Variants in SULF2 observed in about 807,000 individuals in gnomAD.
SULF2 encodes sulfatase 2.
SULF2 carries 52 observed loss-of-function variants against 107.7 expected under a neutral mutation model. That is an observed-to-expected ratio of 0.48 (90% CI 0.39 to 0.61). The LOEUF is 0.61. Among genes scored for constraint, SULF2 ranks in the 20% least tolerant of loss-of-function variants. SULF2 has a pLI of 0.00. For synonymous variants in SULF2, 460 were observed against 464.3 expected (o/e 0.99, Z 0.12); for missense variants, 993 against 1,177.3 (o/e 0.84, Z 2.29).
At chr20:47,719,617 C>T (rs2146688858) in intron 3 of SULF2, among the ~76,000 whole-genome samples, 1 of 152,268 alleles carries the variant, frequency 6.6e-6, no homozygotes, top group East Asian at 1.9e-4. Context: ...ACTGAAGTAC[C>T]CTCAACTCCA....
rs1032766718 is a variant in SULF2, at chr20:47,703,947, T to G, written c.416-1277A>C. On this transcript the variant is annotated intron_variant, in intron 3 of 20. Transcript: ENST00000688720. ...CCATATGACGTCATCTATGTGAAAT[T>G]TGAGAACAGGCCAAACTAATCTATG... Among the ~76,000 whole-genome samples the G allele has an allele frequency of 3.7e-4, 56 of 152,154 alleles. 1 individual carries two copies. Among genetic ancestry groups the G allele is most frequent in the Non-Finnish European group, 2.9e-5 (2 of 68,032 alleles).
At position 47,662,983 on chromosome 20, in the gene SULF2, T is replaced by C. The variant is rs951085909; in HGVS notation, c.2370+87A>G. On this transcript the variant is annotated intron_variant, in intron 17 of 20. Transcript: ENST00000688720. ...GACTCAGTGGGACTTGGACAATTTG[T>C]CATCACTTCCCTGAGGTTGGGGGGG... is the stretch of plus-strand genomic sequence containing the variant. The C allele has an allele frequency of 5.4e-6, 8 of 1,483,614 alleles. No homozygotes were observed. The Admixed American group carries it at 1.1e-4, about 20-fold the overall frequency. The allele number at this position is 1,483,614 out of a possible 1,614,324, so 91.9% of individuals were successfully genotyped here. A position where few individuals can be genotyped will look rare whatever the true frequency, so the allele number is the denominator to read the frequency against.
chr20:47,763,997 C>T (rs1311031519), intron 1 of SULF2, among the ~76,000 whole-genome samples: 1 of 152,218 alleles, frequency 6.6e-6, no homozygotes, highest in Non-Finnish European at 1.5e-5. Flanking sequence ...CCCCTCTCTC[C>T]CTTGCACACC....
intron 3 of SULF2, among the ~76,000 whole-genome samples, chr20:47,714,623 C>G (rs6125082): frequency 8.3e-4 from 126 of 152,302 alleles, no homozygotes; most frequent in African/African-American, 3.0e-3. Context: ...TTTGATCAAG[C>G]CCCCCACTCT....
At chr20:47,756,611 G>A (rs1007487295) in intron 2 of SULF2, among the ~76,000 whole-genome samples, 10 of 151,234 alleles carry the variant, frequency 6.6e-5, no homozygotes, top group Admixed American at 3.3e-4. Flanking sequence ...CAACCCACAA[G>A]AGCCTCCAAA....
intron 13 of SULF2, among the ~76,000 whole-genome samples, chr20:47,665,538 C>T (rs915048313): frequency 5.3e-5 from 8 of 152,240 alleles, no homozygotes; most frequent in Non-Finnish European, 1.2e-4. Flanking sequence ...GCCTGGCCTG[C>T]GCAGGAACCC....
At chr20:47,715,168 C>T (rs1036890316) in intron 3 of SULF2, among the ~76,000 whole-genome samples, 2 of 149,394 alleles carry the variant, frequency 1.3e-5, no homozygotes, top group Non-Finnish European at 3.0e-5. Context: ...TGGGCTCAAG[C>T]GATCTGCCCA....
chr20:47,706,675 GC>G, intron 3 of SULF2: 1 of 152,432 alleles, frequency 6.6e-6, no homozygotes, highest in Non-Finnish European at 1.5e-5. Context: ...GGACTGAGCT[GC>G]CCCCGGGGAG....
chr20:47,702,577 T>A lies in SULF2; in HGVS notation c.509A>T (p.Tyr170Phe). 6.2e-7 allele frequency: 1 copy of A among 1,613,570 alleles called. No individual in the cohort carries two copies. The highest frequency in any genetic ancestry group is 8.5e-7 in the Non-Finnish European group (1 of 1,180,026). Residue 170 changes from tyrosine to phenylalanine, a missense_variant, in exon 4 of 21, where the codon TAT becomes TTT. Physicochemically the swap from Tyr to Phe is conservative, Grantham distance 22. Around this residue, in one of 3 missense-constraint regions of SULF2, gnomAD observed 388 missense variants for 449.2 expected, o/e 0.86. Transcript: ENST00000688720. ...CCCGTTCCGACACAGCGTGTAGTTA[T>A]AAAAGCGGGAGTTTTTAAGGAGTCC... ...WVGLLKNSRF[Y>F]NYTLCRNGVK... is the part of the protein sequence containing the mutation.
chr20:47,695,092 G>C (rs1345689904), intron 4 of SULF2, among the ~76,000 whole-genome samples: 1 of 152,234 alleles, frequency 6.6e-6, no homozygotes, highest in Admixed American at 6.5e-5. Context: ...TAAAGGGCCA[G>C]ACAGTAAATA....
At chr20:47,745,382 G>GAA (rs1158560282) in intron 2 of SULF2, among the ~76,000 whole-genome samples, 5 of 52,054 alleles carry the variant, frequency 9.6e-5, no homozygotes, top group South Asian at 9.8e-4. Context: ...AGTTTTGAGG[G>GAA]AAAAAAAAAA....
intron 3 of SULF2, among the ~76,000 whole-genome samples, chr20:47,704,153 T>A (rs536236726): frequency 6.6e-6 from 1 of 152,234 alleles, no homozygotes; most frequent in African/African-American, 2.4e-5. Flanking sequence ...ACGCTTTACA[T>A]CAACAACAAA....
At chr20:47,745,208 T>C (rs1251119902) in intron 2 of SULF2, among the ~76,000 whole-genome samples, 2 of 151,340 alleles carry the variant, frequency 1.3e-5, no homozygotes, top group Non-Finnish European at 2.9e-5. Context: ...CCATACTCAA[T>C]AGGATGAAAA....
chr20:47,736,563 C>T, intron 3 of SULF2, 140 bp downstream of exon 3: 2 of 1,203,524 alleles, frequency 1.7e-6, no homozygotes, highest in South Asian at 1.6e-5. Context: ...GAAATAAATG[C>T]ACAACTCTGA....
intron 2 of SULF2, among the ~76,000 whole-genome samples, chr20:47,741,015 A>G (rs1368435523): frequency 6.6e-6 from 1 of 152,014 alleles, no homozygotes; most frequent in Non-Finnish European, 1.5e-5. Flanking sequence ...CCTCTCTTCA[A>G]CGTAAACACC....
In SULF2 at chr20:47,709,810, C is replaced by G. The variant is rs145599832; in HGVS notation, c.416-7140G>C. Among the ~76,000 whole-genome samples the G allele has an allele frequency of 3.0e-4, 46 of 151,182 alleles. 1 individual carries two copies. The South Asian group carries it at 7.4e-3, about 24-fold the overall frequency. The stretch of plus-strand genomic sequence containing the variant: ...AATGCGGAGGTGGGAAAGATAGAGA[C>G]AGAGAGACAGAAGAGATAGAGAGAT... On this transcript the variant is annotated intron_variant, in intron 3 of 20. Coordinates refer to ENST00000688720, the MANE Select transcript of SULF2 (RefSeq NM_001387048.1).
At chr20:47,739,267 C>G (rs569014665) in intron 2 of SULF2, among the ~76,000 whole-genome samples, 232 of 152,310 alleles carry the variant, frequency 1.5e-3, no homozygotes, top group African/African-American at 5.4e-3. Flanking sequence ...TGATCCCAAT[C>G]ACCTAGCAAC....
intron 2 of SULF2, among the ~76,000 whole-genome samples, chr20:47,737,755 G>GTTTTTTT (rs11484375): frequency 5.0e-4 from 31 of 61,836 alleles, no homozygotes; most frequent in African/African-American, 9.4e-4. Context: ...TCTTTTCTTT[G>GTTTTTTT]TTTTTTTTTT....
chr20:47,673,557 C>G (rs147239868), intron 10 of SULF2, among the ~76,000 whole-genome samples: 2 of 152,268 alleles, frequency 1.3e-5, no homozygotes, highest in African/African-American at 4.8e-5. Flanking sequence ...GTGCCTTTCA[C>G]CTGCTCATCT....
Sources: gnomAD v4.1 joint callset for allele counts (sites outside exome capture counted in the v4.1 genomes callset) on GRCh38, gnomAD v4.1.1 for gene constraint, gnomAD v4.1.1 regional missense constraint, MANE v1.5 for transcripts, NCBI Gene and HGNC (gene_info 2026-07-23, HGNC 2026-07-21) for gene names.